Variants in CAMTA1 observed in about 807,000 individuals in gnomAD.
CAMTA1 encodes the protein calmodulin-binding transcription activator 1.
Under a neutral mutation model 170.9 loss-of-function variants are expected in CAMTA1, and 27 were observed. The ratio of observed to expected loss-of-function variants is 0.16; its 90% CI spans 0.12 to 0.22. CAMTA1 has a LOEUF of 0.22. Among genes scored for constraint, CAMTA1 ranks in the 10% least tolerant of loss-of-function variants. The pLI is 1.00. For synonymous variants in CAMTA1, 833 were observed against 891.5 expected (o/e 0.93, Z 1.17); for missense variants, 1,619 against 2,217.2 (o/e 0.73, Z 5.42).
rs181577279 is a variant in CAMTA1, at chr1:7,297,703, C to T, written c.438+48077C>T. ...AGCAGCCCCAAACTCTTGATTTTTGCCTTCTCCTATAATCTAGGCTGCTGT... is the reference window on the plus strand; with the variant it reads ...AGCAGCCCCAAACTCTTGATTTTTGTCTTCTCCTATAATCTAGGCTGCTGT... On this transcript the variant is annotated intron_variant, in intron 5 of 22. Transcript: ENST00000303635. 4.4e-3 allele frequency among the ~76,000 whole-genome samples: 673 copies of T among 152,322 alleles called. 8 individuals are homozygous for T. The highest frequency in any genetic ancestry group is 0.024 in the Admixed American group (367 of 15,304).
intron 5 of CAMTA1, among the ~76,000 whole-genome samples, chr1:7,384,959 T>C (rs903977109): frequency 2.6e-5 from 4 of 152,092 alleles, no homozygotes; most frequent in African/African-American, 9.7e-5. Flanking sequence ...TCACAGCCTC[T>C]CCTTTCCTGT....
At chr1:7,422,874 C>T (rs1012313344) in intron 5 of CAMTA1, among the ~76,000 whole-genome samples, 2 of 152,182 alleles carry the variant, frequency 1.3e-5, no homozygotes, top group Non-Finnish European at 2.9e-5. Context: ...GAGACTGGCC[C>T]GTGGATGCGA....
At chr1:7,197,919 G>A (rs1294814010) in intron 4 of CAMTA1, among the ~76,000 whole-genome samples, 1 of 151,824 alleles carries the variant, frequency 6.6e-6, no homozygotes. Context: ...TGGCCAGAGT[G>A]GGGAGACAGC....
At chr1:7,442,563 A>G (rs972682327) in intron 5 of CAMTA1, among the ~76,000 whole-genome samples, 11 of 152,190 alleles carry the variant, frequency 7.2e-5, no homozygotes, top group Non-Finnish European at 1.3e-4. Flanking sequence ...AGGCCAAAGC[A>G]AAGTGGCACA....
At chr1:7,727,770 G>A (rs1238371119) in intron 11 of CAMTA1, among the ~76,000 whole-genome samples, 2 of 152,230 alleles carry the variant, frequency 1.3e-5, no homozygotes, top group African/African-American at 4.8e-5. Flanking sequence ...CAAAACAAGC[G>A]TAAAGGCGTT....
At chr1:7,489,042 G>C (rs1203965138) in intron 6 of CAMTA1, among the ~76,000 whole-genome samples, 1 of 152,216 alleles carries the variant, frequency 6.6e-6, no homozygotes, top group African/African-American at 2.4e-5. Context: ...GGGACACAGA[G>C]CCTCTGGGTA....
chr1:7,151,465 G>A (rs897764002), intron 4 of CAMTA1, among the ~76,000 whole-genome samples: 3 of 152,180 alleles, frequency 2.0e-5, no homozygotes, highest in Admixed American at 2.0e-4. Context: ...ACCAGCTCCT[G>A]TTGTGTCCCT....
chr1:6,917,371 T>C (rs1359296270), intron 3 of CAMTA1, among the ~76,000 whole-genome samples: 4 of 152,072 alleles, frequency 2.6e-5, no homozygotes, highest in South Asian at 4.1e-4. Context: ...TGATGAGATA[T>C]CTGACTTGGA....
intron 4 of CAMTA1, among the ~76,000 whole-genome samples, chr1:7,229,742 T>A (rs988868533): frequency 1.3e-5 from 2 of 152,056 alleles, no homozygotes; most frequent in Non-Finnish European, 2.9e-5. Context: ...GCGTCCTTCA[T>A]GAAGAACTCA....
chr1:6,861,116 C>T (rs182208222), intron 3 of CAMTA1, among the ~76,000 whole-genome samples: 212 of 152,042 alleles, frequency 1.4e-3, no homozygotes, highest in Admixed American at 2.3e-3. Flanking sequence ...CCACCACGCC[C>T]GGCTAATTTT....
At position 7,682,313 on chromosome 1, in the gene CAMTA1, C is replaced by T. The variant is rs1191014762; in HGVS notation, c.2914+4580C>T. ...GCTTGCCCCTGCAGCTGGCCAGAGA[C>T]AGACGGGGTTATCCTGTGACTTCTG... On this transcript the variant is annotated intron_variant, in intron 11 of 22. Coordinates refer to ENST00000303635, the MANE Select transcript of CAMTA1 (RefSeq NM_015215.4). This position sits in a 1 kb window ranked among gnomAD's most constrained non-coding sequence, Gnocchi z 5.0. Among the ~76,000 whole-genome samples, 1 of 152,248 alleles carries T rather than the reference C, an allele frequency of 6.6e-6. No individual in the cohort carries two copies. Among genetic ancestry groups the T allele is most frequent in the East Asian group, 1.9e-4 (1 of 5,190 alleles).
intron 3 of CAMTA1, among the ~76,000 whole-genome samples, chr1:7,083,911 C>T (rs933281320): frequency 2.0e-5 from 3 of 151,212 alleles, no homozygotes; most frequent in African/African-American, 7.3e-5. Flanking sequence ...AATATAATTG[C>T]ATTTTGTGGC....
At chr1:7,756,417 A>C (rs1050612389) in intron 22 of CAMTA1, among the ~76,000 whole-genome samples, 21 of 152,368 alleles carry the variant, frequency 1.4e-4, no homozygotes, top group Non-Finnish European at 2.4e-4. Context: ...GAGAAATTAC[A>C]ATGAGTAATT....
intron 3 of CAMTA1, among the ~76,000 whole-genome samples, chr1:7,001,106 G>A (rs1364597851): frequency 6.6e-6 from 1 of 152,162 alleles, no homozygotes; most frequent in African/African-American, 2.4e-5. Flanking sequence ...AAAATTTGCT[G>A]GGGAGTTCTT....
At chr1:7,245,792 A>G (rs1665672790) in intron 4 of CAMTA1, among the ~76,000 whole-genome samples, 1 of 152,180 alleles carries the variant, frequency 6.6e-6, no homozygotes, top group Admixed American at 6.5e-5. Flanking sequence ...AGATCCCGAG[A>G]TGAAGACTTG....
intron 3 of CAMTA1, among the ~76,000 whole-genome samples, chr1:6,876,367 T>A (rs1426043071): frequency 3.5e-5 from 5 of 141,964 alleles, no homozygotes; most frequent in African/African-American, 5.1e-5. Context: ...ATTAATTAAT[T>A]TTTTTTTTTT....
chr1:7,431,589 T>C (rs1325624119), intron 5 of CAMTA1, among the ~76,000 whole-genome samples: 1 of 152,204 alleles, frequency 6.6e-6, no homozygotes, highest in East Asian at 1.9e-4. Context: ...CCCTCCCGAA[T>C]GGACGGCCAC....
intron 5 of CAMTA1, among the ~76,000 whole-genome samples, chr1:7,354,764 A>T (rs1353045205): frequency 6.6e-6 from 1 of 152,170 alleles, no homozygotes; most frequent in Non-Finnish European, 1.5e-5. Context: ...TCCTTCTGAC[A>T]GGTGTGTGAT....
chr1:7,584,214 G>A (rs961335858), intron 6 of CAMTA1, among the ~76,000 whole-genome samples: 1 of 152,098 alleles, frequency 6.6e-6, no homozygotes, highest in Non-Finnish European at 1.5e-5. Flanking sequence ...ACCACCATGG[G>A]GTCTTACAGT....
Sources: allele counts gnomAD v4.1 joint callset (sites outside exome capture counted in the v4.1 genomes callset), GRCh38; gene constraint gnomAD v4.1.1; non-coding constraint Gnocchi (gnomAD v3.1); transcripts MANE v1.5; gene names NCBI Gene and HGNC (gene_info 2026-07-23, HGNC 2026-07-21).